Variants in MTAP observed in about 807,000 individuals in gnomAD.
MTAP encodes methylthioadenosine phosphorylase, also known as S-methyl-5'-thioadenosine phosphorylase.
Under a neutral mutation model 33.6 loss-of-function variants are expected in MTAP, and 33 were observed. The observed-to-expected ratio is 0.98, with a 90% confidence interval of 0.74 to 1.31. The LOEUF is 1.31. Ranked by LOEUF, MTAP falls within the 40% of genes most tolerant of loss-of-function variation. MTAP has a pLI of 0.00. For missense variants in MTAP, 367 were observed against 360.0 expected, an observed-to-expected ratio of 1.02 and a Z score of -0.16; for synonymous variants, 148 against 125.7, an observed-to-expected ratio of 1.18 and a Z score of -1.19.
intron 1 of MTAP, among the ~76,000 whole-genome samples, chr9:21,894,917 C>G (rs1209445320): frequency 6.6e-6 from 1 of 151,936 alleles, no homozygotes; most frequent in East Asian, 1.9e-4. Flanking sequence ...TGAATGCAGT[C>G]CCATTCACAA....
intron 1 of MTAP, among the ~76,000 whole-genome samples, chr9:21,928,005 A>G (rs1011117382): frequency 5.3e-5 from 8 of 152,206 alleles, no homozygotes; most frequent in Admixed American, 4.6e-4. Context: ...ATGTTATCTG[A>G]CCAAAAAGCT....
intron 1 of MTAP, among the ~76,000 whole-genome samples, chr9:21,926,800 G>A (rs1818876427): frequency 1.3e-5 from 2 of 152,200 alleles, no homozygotes; most frequent in South Asian, 4.2e-4. Flanking sequence ...GGTACAAGAT[G>A]TCTAAGGCCA....
At chr9:21,919,763 A>G (rs1020673882) in intron 1 of MTAP, among the ~76,000 whole-genome samples, 1 of 152,198 alleles carries the variant, frequency 6.6e-6, no homozygotes, top group Non-Finnish European at 1.5e-5. Context: ...GGTGGTGGTC[A>G]AAGAGCACAA....
chr9:21,847,544 G>A (rs994244497), intron 5 of MTAP, among the ~76,000 whole-genome samples: 4 of 152,144 alleles, frequency 2.6e-5, no homozygotes, highest in Middle Eastern at 3.2e-3. Flanking sequence ...TTCATCACTC[G>A]TGAGAGGCAA....
intron 1 of MTAP, among the ~76,000 whole-genome samples, chr9:21,915,701 GGT>G (rs1491344610): frequency 1.3e-5 from 2 of 152,016 alleles, no homozygotes; most frequent in Non-Finnish European, 2.9e-5. Context: ...CTCAGACTAT[GGT>G]GTTGAGAATA....
intron 1 of MTAP, among the ~76,000 whole-genome samples, chr9:21,914,015 C>T (rs965887917): frequency 6.6e-6 from 1 of 152,122 alleles, no homozygotes; most frequent in Non-Finnish European, 1.5e-5. Context: ...ATGCAGCCAA[C>T]AGACATATGA....
chr9:21,863,677 G>A lies in MTAP; in HGVS notation c.*1663G>A, dbSNP rs982917968. Reference sequence around the variant, plus strand: ...TGTTTGCTTCAGTTTTTTATCATGGGGAGATCTTTTTCCTCAGAATTGTTT... The same window carrying A: ...TGTTTGCTTCAGTTTTTTATCATGGAGAGATCTTTTTCCTCAGAATTGTTT... On this transcript the variant is annotated 3_prime_UTR_variant, in exon 8 of 8. Coordinates refer to ENST00000644715, the MANE Select transcript of MTAP (RefSeq NM_002451.4). The A allele has an allele frequency of 5.1e-6, 5 of 985,556 alleles. No individual in the cohort carries two copies. In the African/African-American group the frequency reaches 8.7e-5, roughly 17 times the overall value. The allele number at this position is 985,556 out of a possible 1,614,324, so 61.1% of individuals were successfully genotyped here. A position where few individuals can be genotyped will look rare whatever the true frequency, so the allele number is the denominator to read the frequency against.
intron 1 of MTAP, among the ~76,000 whole-genome samples, chr9:21,874,968 G>T (rs182788815): frequency 6.6e-6 from 1 of 152,066 alleles, no homozygotes; most frequent in Non-Finnish European, 1.5e-5. Context: ...TGGAATGATG[G>T]TTTCCAGCTT....
intron 1 of MTAP, among the ~76,000 whole-genome samples, chr9:21,913,873 T>C (rs534550249): frequency 6.6e-6 from 1 of 152,228 alleles, no homozygotes; most frequent in Non-Finnish European, 1.5e-5. Context: ...ATTTTTGCAA[T>C]CTACTCATCT....
downstream of MTAP, among the ~76,000 whole-genome samples, chr9:21,871,063 G>A (rs1248406575): frequency 1.3e-5 from 2 of 152,072 alleles, no homozygotes; most frequent in East Asian, 3.8e-4. Flanking sequence ...CAGCCACCAT[G>A]CCTGGCTGTG....
chr9:21,880,638 A>G (rs564454917), intron 1 of MTAP, among the ~76,000 whole-genome samples: 10 of 152,116 alleles, frequency 6.6e-5, no homozygotes, highest in Non-Finnish European at 1.5e-4. Context: ...AATTATAAAT[A>G]TAATCCTATT....
chr9:21,913,118 C>T lies in MTAP; in HGVS notation c.148-17890C>T, dbSNP rs200686854. ...AGGAGAACTACAAACCACTGCTCAA[C>T]GAAATAAAAGAGGACACAAACAAAT... On this transcript the variant is annotated intron_variant, in intron 1 of 1. Coordinates refer to the MTAP transcript ENST00000577563. Among the ~76,000 whole-genome samples, 369 of 152,126 alleles carry T rather than the reference C, an allele frequency of 2.4e-3. 2 individuals are homozygous for T. Among genetic ancestry groups the T allele is most frequent in the Middle Eastern group, 0.017 (5 of 294 alleles).
chr9:21,911,830 A>G (rs562200968), intron 1 of MTAP, among the ~76,000 whole-genome samples: 6 of 152,346 alleles, frequency 3.9e-5, no homozygotes, highest in South Asian at 4.1e-4. Flanking sequence ...AAAAAAATCA[A>G]TGAATCCAGG....
chr9:21,882,130 CTTT>C lies in MTAP; in HGVS notation c.147+27263_147+27265del, dbSNP rs1172420360. On this transcript the variant is annotated intron_variant, in intron 1 of 1. Coordinates refer to the MTAP transcript ENST00000577563. The stretch of plus-strand genomic sequence containing the variant: ...TTCAACCTTAAAAAGGATTTCCTTC[CTTT>C]TTACTGCAAATACAAATGCAAAAGA... 2.6e-5 allele frequency among the ~76,000 whole-genome samples: 4 copies of C among 151,916 alleles called. No individual in the cohort carries two copies. The East Asian group carries it at 7.7e-4, about 29-fold the overall frequency.
chr9:21,842,780 C>G (rs932686753), intron 5 of MTAP, among the ~76,000 whole-genome samples: 1 of 152,098 alleles, frequency 6.6e-6, no homozygotes, highest in South Asian at 2.1e-4. Flanking sequence ...GAAACAAAAC[C>G]TCAAAATACA....
At chr9:21,877,729 G>A (rs1478158529) in intron 1 of MTAP, among the ~76,000 whole-genome samples, 2 of 152,116 alleles carry the variant, frequency 1.3e-5, no homozygotes, top group East Asian at 1.9e-4. Context: ...TGGTGGATAA[G>A]CTTTTTGAAG....
intron 5 of MTAP, among the ~76,000 whole-genome samples, chr9:21,854,322 A>G (rs1825584573): frequency 6.6e-6 from 1 of 152,216 alleles, no homozygotes; most frequent in Non-Finnish European, 1.5e-5. Flanking sequence ...TAAAGTTGTT[A>G]AGAAGCAAAT....
Position 21,899,165 on chromosome 9 carries a change from T to C in MTAP, c.148-31843T>C, listed in dbSNP as rs192174165. On this transcript the variant is annotated intron_variant, in intron 1 of 1. Coordinates refer to the MTAP transcript ENST00000577563. ...ACCAAACACTGCATGTTCTCACTCA[T>C]AGGTGAGAATTGAATAATGAGAACA... Among the ~76,000 whole-genome samples the C allele has an allele frequency of 2.2e-3, 294 of 134,218 alleles. 8 individuals carry two copies. The Admixed American group carries it at 0.026, about 12-fold the overall frequency. The allele number at this position is 134,218 out of a possible 152,430, so 88.1% of individuals were successfully genotyped here.
chr9:21,930,938 CT>C (rs1818948014), intron 1 of MTAP: 2 of 681,968 alleles, frequency 2.9e-6, no homozygotes, highest in Admixed American at 4.1e-5. Context: ...TTAGCCTCTA[CT>C]TTTGCTCCTT....
Sources: allele counts gnomAD v4.1 joint callset (sites outside exome capture counted in the v4.1 genomes callset), GRCh38; gene constraint gnomAD v4.1.1; transcripts MANE v1.5; gene names NCBI Gene and HGNC (gene_info 2026-07-23, HGNC 2026-07-21).